GP5: variants seen among roughly 807,000 people sequenced by gnomAD.
GP5 encodes the protein platelet glycoprotein V.
For missense variants in GP5, 755 were observed against 737.1 expected, an observed-to-expected ratio of 1.02 and a Z score of -0.28; for synonymous variants, 382 against 353.9, an observed-to-expected ratio of 1.08 and a Z score of -0.89.
rs759376535 is a variant in GP5, at chr3:194,397,412, C to A, written c.871G>T (p.Gly291Cys). Residue 291 changes from glycine (G) to cysteine (C), a missense_variant, in exon 2 of 2, where the codon GGC (glycine) becomes TGC (cysteine). Physicochemically the swap from Gly to Cys is radical, Grantham distance 159. Coordinates refer to ENST00000692618, the MANE Select transcript of GP5 (RefSeq NM_004488.2). The surrounding 1 kb of genome is among the most constrained non-coding windows in gnomAD (Gnocchi z 7.2). ...CGGTTCAGCCACAGCTCCTGCAGGC[C>A]CCCCATCTCCCCGAAGAGCACCCCC... ...LPGVLFGEMG[G>C]LQELWLNRTQ... The A allele has an allele frequency of 6.2e-7, 1 of 1,612,154 alleles. No homozygotes were observed. The highest frequency in any genetic ancestry group is 8.5e-7 in the Non-Finnish European group (1 of 1,179,628).
Position 194,397,544 on chromosome 3 carries a change from A to G in GP5, c.739T>C (p.Leu247=). ...AFDRLPNLSS[L]TLSRNHLAFL... is the part of the protein sequence containing the mutation. ...GCAAGGTGGTTTCTCGAAAGCGTCA[A>G]AGAACTGAGGTTTGGGAGCCGGTCG... The change falls in exon 2 of 2, where the codon TTG becomes CTG. Residue 247 remains leucine (L), a synonymous_variant. Transcript: ENST00000692618. This position sits in a 1 kb window ranked among gnomAD's most constrained non-coding sequence, Gnocchi z 7.2. 1 of 1,614,110 alleles carries G rather than the reference A, an allele frequency of 6.2e-7. No homozygotes were observed. The highest frequency in any genetic ancestry group is 8.5e-7 in the Non-Finnish European group (1 of 1,180,008).
Position 194,397,642 on chromosome 3 carries a change from A to C in GP5, c.641T>G (p.Leu214Trp). Residue 214 changes from leucine (L) to tryptophan (W), a missense_variant, in exon 2 of 2, where the codon TTG (leucine) becomes TGG (tryptophan). Coordinates refer to ENST00000692618, the MANE Select transcript of GP5 (RefSeq NM_004488.2). The surrounding 1 kb of genome is among the most constrained non-coding windows in gnomAD (Gnocchi z 7.2). The stretch of plus-strand genomic sequence containing the variant: ...CTCCGTCAGGGCGCCCAGGCTGTTC[A>C]ACAGCCCCGAATCCAGAGACACAAG... ...NRLVSLDSGL[L>W]NSLGALTELQ... The C allele has an allele frequency of 6.2e-7, 1 of 1,614,170 alleles. No homozygotes were observed. Among genetic ancestry groups the C allele is most frequent in the Non-Finnish European group, 8.5e-7 (1 of 1,180,006 alleles).
Position 194,396,765 on chromosome 3 carries a change from C to A in GP5, c.1518G>T (p.Trp506Cys). Residue 506 changes from tryptophan to cysteine, a missense_variant, in exon 2 of 2, where the codon TGG becomes TGT. Transcript: ENST00000692618. The part of the protein sequence containing the change: ...LAPNSSEPWV[W>C]AQPVTTGKGQ... Reference sequence around the variant, plus strand: ...CTTTGCCCGTGGTCACCGGCTGGGCCCACACCCAGGGTTCTGAGCTGTTGG... The same window carrying A: ...CTTTGCCCGTGGTCACCGGCTGGGCACACACCCAGGGTTCTGAGCTGTTGG... The A allele has an allele frequency of 1.2e-6, 2 of 1,614,050 alleles. No homozygotes were observed. Among genetic ancestry groups the A allele is most frequent in the Non-Finnish European group, 1.7e-6 (2 of 1,179,932 alleles).
rs758840525 is a variant in GP5 at position 194,397,371 on chromosome 3, G to T, written c.912C>A (p.Thr304=). The change falls in exon 2 of 2, where the codon ACC becomes ACA. Residue 304 remains threonine (T), a synonymous_variant. Coordinates refer to ENST00000692618, the MANE Select transcript of GP5 (RefSeq NM_004488.2). The surrounding 1 kb of genome is among the most constrained non-coding windows in gnomAD (Gnocchi z 7.2). ...ELWLNRTQLR[T]LPAAAFRNLS... Reference sequence around the variant, plus strand: ...GGTTGCGGAAGGCGGCGGCGGGCAGGGTGCGCAGCTGGGTGCGGTTCAGCC... The same window carrying T: ...GGTTGCGGAAGGCGGCGGCGGGCAGTGTGCGCAGCTGGGTGCGGTTCAGCC... 2 of 1,608,304 alleles carry T rather than the reference G, an allele frequency of 1.2e-6. No individual in the cohort carries two copies. The highest frequency in any genetic ancestry group is 1.7e-6 in the Non-Finnish European group (2 of 1,178,824).
Position 194,397,635 on chromosome 3 carries a change from G to A in GP5, c.648C>T (p.Ser216=). 1 of 1,614,126 alleles carries A rather than the reference G, an allele frequency of 6.2e-7. No individual in the cohort carries two copies. The highest frequency in any genetic ancestry group is 1.1e-5 in the South Asian group (1 of 91,080). The change falls in exon 2 of 2, where the codon AGC becomes AGT. Residue 216 remains serine, a synonymous_variant. Coordinates refer to ENST00000692618, the MANE Select transcript of GP5 (RefSeq NM_004488.2). This position sits in a 1 kb window ranked among gnomAD's most constrained non-coding sequence, Gnocchi z 7.2. ...ACTGCAGCTCCGTCAGGGCGCCCAG[G>A]CTGTTCAACAGCCCCGAATCCAGAG... The part of the protein sequence containing the change: ...LVSLDSGLLN[S]LGALTELQFH...
chr3:194,398,317 C>A, intron 1 of GP5, 33 bp from the exon 2 acceptor site: 1 of 1,538,990 alleles, frequency 6.5e-7, no homozygotes. Flanking sequence ...GTGGTCAACA[C>A]ACAGGAGCGT....
In GP5 at chr3:194,397,388, G is replaced by C. The variant is rs1577011471; in HGVS notation, c.895C>G (p.Arg299Gly). Residue 299 changes from arginine (R) to glycine (G), a missense_variant, in exon 2 of 2, where the codon CGC becomes GGC. Coordinates refer to ENST00000692618, the MANE Select transcript of GP5 (RefSeq NM_004488.2). This position sits in a 1 kb window ranked among gnomAD's most constrained non-coding sequence, Gnocchi z 7.2. ...GCGGGCAGGGTGCGCAGCTGGGTGC[G>C]GTTCAGCCACAGCTCCTGCAGGCCC... Reference protein sequence around the residue: ...MGGLQELWLNRTQLRTLPAAA... With the variant: ...MGGLQELWLNGTQLRTLPAAA... 1.9e-6 allele frequency: 3 copies of C among 1,611,462 alleles called. No homozygotes were observed. The highest frequency in any genetic ancestry group is 2.5e-6 in the Non-Finnish European group (3 of 1,179,746).
At position 194,397,111 on chromosome 3, in the gene GP5, C is replaced by A; in HGVS notation, c.1172G>T (p.Ser391Ile). 6.3e-7 allele frequency: 1 copy of A among 1,591,764 alleles called. No individual in the cohort carries two copies. Among genetic ancestry groups the A allele is most frequent in the Non-Finnish European group, 8.5e-7 (1 of 1,176,902 alleles). ...CAGCTGGTTGTGGTCGAGCTGGACG[C>A]TCTCCAGGCTGCTGAGATTGCGGAA... ...ALFRNLSSLE[S>I]VQLDHNQLET... The change falls in exon 2 of 2, where the codon AGC becomes ATC. Residue 391 changes from serine (S) to isoleucine (I), a missense_variant. Ser to Ile is a moderately radical substitution (Grantham distance 142). Coordinates refer to ENST00000692618, the MANE Select transcript of GP5 (RefSeq NM_004488.2). The surrounding 1 kb of genome is among the most constrained non-coding windows in gnomAD (Gnocchi z 7.2).
Position 194,396,879 on chromosome 3 carries a change from A to G in GP5, c.1404T>C (p.Gly468=). 1 of 1,530,526 alleles carries G rather than the reference A, an allele frequency of 6.5e-7. No individual in the cohort carries two copies. The highest frequency in any genetic ancestry group is 1.3e-5 in the South Asian group (1 of 77,982). 94.8% of individuals were successfully genotyped at this position (1,530,526 alleles called of 1,614,324 possible). A position where few individuals can be genotyped will look rare whatever the true frequency, so the allele number is the denominator to read the frequency against. The change falls in exon 2 of 2, where the codon GGT becomes GGC. Residue 468 remains glycine (G), a synonymous_variant. Transcript: ENST00000692618. ...AGLPLWALPG[G]DAECPGPRGP... ...CCCGGGGGCCCGGGCACTCCGCGTC[A>G]CCCCCCGGCAGGGCCCAGAGCGGCA...
rs1714420621 is a variant in GP5 at position 194,395,103 on chromosome 3, A to C, written c.*1497T>G. 1 of 152,194 alleles carries C rather than the reference A, an allele frequency of 6.6e-6. No homozygotes were observed. The highest frequency in any genetic ancestry group is 2.4e-5 in the African/African-American group (1 of 41,434). The allele number at this position is 152,194 out of a possible 1,614,324, so 9.4% of individuals were successfully genotyped here. ...GCTTTATTGCCTTTAATTCTCACAA[A>C]AACTCTACGAAGCAGGTACTATGTT... On this transcript the variant is annotated 3_prime_UTR_variant, in exon 2 of 2. Coordinates refer to ENST00000692618, the MANE Select transcript of GP5 (RefSeq NM_004488.2).
chr3:194,396,358 T>C lies in GP5; in HGVS notation c.*242A>G. 2.3e-6 allele frequency: 1 copy of C among 440,332 alleles called. No homozygotes were observed. Among genetic ancestry groups the C allele is most frequent in the Non-Finnish European group, 4.1e-6 (1 of 246,820 alleles). The allele number at this position is 440,332 out of a possible 1,614,324, so 27.3% of individuals were successfully genotyped here. On this transcript the variant is annotated 3_prime_UTR_variant, in exon 2 of 2. Coordinates refer to ENST00000692618, the MANE Select transcript of GP5 (RefSeq NM_004488.2). Reference sequence around the variant, plus strand: ...GGCAGGCAACCACAGTTTACAAACGTCAAGCTCAGTTTCCAGGAACGGGCG... The same window carrying C: ...GGCAGGCAACCACAGTTTACAAACGCCAAGCTCAGTTTCCAGGAACGGGCG...
At position 194,396,758 on chromosome 3, in the gene GP5, GC is replaced by G; in HGVS notation, c.1524del (p.Gln508HisfsTer3). The G allele has an allele frequency of 6.2e-7, 1 of 1,613,982 alleles. No homozygotes were observed. The highest frequency in any genetic ancestry group is 8.5e-7 in the Non-Finnish European group (1 of 1,179,860). On this transcript the variant is annotated frameshift_variant, in exon 2 of 2. Coordinates refer to ENST00000692618, the MANE Select transcript of GP5 (RefSeq NM_004488.2). LOFTEE classifies it low-confidence loss of function (END_TRUNC). Reference sequence around the variant, plus strand: ...TCTTGACCTTTGCCCGTGGTCACCGGCTGGGCCCACACCCAGGGTTCTGAGC... The same window carrying G: ...TCTTGACCTTTGCCCGTGGTCACCGGTGGGCCCACACCCAGGGTTCTGAGC... The part of the protein sequence containing the change: ...PNSSEPWVWA[Q>X]PVTTGKGQDH...
Position 194,396,665 on chromosome 3 carries a change from C to T in GP5, c.1618G>A (p.Val540Met). Residue 540 changes from valine to methionine, a missense_variant, in exon 2 of 2, where the codon GTG becomes ATG. Transcript: ENST00000692618. ...TGGCCAATTTTAATCATAGCAAACA[C>T]GATGATCACGGTGATCATGGCCTGA... ...AVQAMITVII[V>M]FAMIKIGQLF... 1 of 1,613,270 alleles carries T rather than the reference C, an allele frequency of 6.2e-7. No individual in the cohort carries two copies. Among genetic ancestry groups the T allele is most frequent in the Non-Finnish European group, 8.5e-7 (1 of 1,179,248 alleles).
chr3:194,395,968 G>A lies in GP5; in HGVS notation c.*632C>T, dbSNP rs1467788401. 2.0e-5 allele frequency: 3 copies of A among 152,518 alleles called. No individual in the cohort carries two copies. The highest frequency in any genetic ancestry group is 4.4e-5 in the Non-Finnish European group (3 of 68,296). 9.4% of individuals were successfully genotyped at this position (152,518 alleles called of 1,614,324 possible). A position where few individuals can be genotyped will look rare whatever the true frequency, so the allele number is the denominator to read the frequency against. On this transcript the variant is annotated 3_prime_UTR_variant, in exon 2 of 2. Transcript: ENST00000692618. ...GAGGCATGAGAATCACTTGAACCTG[G>A]GAGGCGGAGGCTGCAGTGAACTGAG... is the stretch of plus-strand genomic sequence containing the variant.
At position 194,397,610 on chromosome 3, in the gene GP5, A is replaced by G; in HGVS notation, c.673T>C (p.Phe225Leu). Residue 225 changes from phenylalanine to leucine, a missense_variant, in exon 2 of 2, where the codon TTC (phenylalanine) becomes CTC (leucine). Transcript: ENST00000692618. The surrounding 1 kb of genome is among the most constrained non-coding windows in gnomAD (Gnocchi z 7.2). ...NSLGALTELQ[F>L]HRNHIRSIAP... The stretch of plus-strand genomic sequence containing the variant: ...ATGGAACGGATGTGATTTCGGTGGA[A>G]CTGCAGCTCCGTCAGGGCGCCCAGG... The G allele has an allele frequency of 6.2e-7, 1 of 1,614,074 alleles. No individual in the cohort carries two copies. Among genetic ancestry groups the G allele is most frequent in the Non-Finnish European group, 8.5e-7 (1 of 1,179,992 alleles).
chr3:194,395,100 C>G lies in GP5; in HGVS notation c.*1500G>C, dbSNP rs1714420531. 6.6e-6 allele frequency: 1 copy of G among 152,188 alleles called. No homozygotes were observed. The allele number at this position is 152,188 out of a possible 1,614,324, so 9.4% of individuals were successfully genotyped here. On this transcript the variant is annotated 3_prime_UTR_variant, in exon 2 of 2. Coordinates refer to ENST00000692618, the MANE Select transcript of GP5 (RefSeq NM_004488.2). ...TATGCTTTATTGCCTTTAATTCTCACAAAAACTCTACGAAGCAGGTACTAT... is the reference window on the plus strand; with the variant it reads ...TATGCTTTATTGCCTTTAATTCTCAGAAAAACTCTACGAAGCAGGTACTAT...
Position 194,398,156 on chromosome 3 carries a change from T to TG in GP5, c.126dup (p.Ile43HisfsTer54), listed in dbSNP as rs1560057700. 3.1e-6 allele frequency: 5 copies of TG among 1,612,810 alleles called. No individual in the cohort carries two copies. Among genetic ancestry groups the TG allele is most frequent in the Non-Finnish European group, 3.4e-6 (4 of 1,179,820 alleles). Reference sequence around the variant, plus strand: ...TTGGTGGGCAGGCCTAGCGCGGAGATGCGCGCCACGTCGCCCCCCGAGCAC... The same window carrying TG: ...TTGGTGGGCAGGCCTAGCGCGGAGATGGCGCGCCACGTCGCCCCCCGAGCAC... On this transcript the variant is annotated frameshift_variant, in exon 2 of 2. Coordinates refer to ENST00000692618, the MANE Select transcript of GP5 (RefSeq NM_004488.2). LOFTEE classifies it low-confidence loss of function (END_TRUNC).
Position 194,397,007 on chromosome 3 carries a change from C to T in GP5, c.1276G>A (p.Asp426Asn), listed in dbSNP as rs778829280. 1 of 1,596,060 alleles carries T rather than the reference C, an allele frequency of 6.3e-7. No homozygotes were observed. Among genetic ancestry groups the T allele is most frequent in the Non-Finnish European group, 8.5e-7 (1 of 1,177,868 alleles). Residue 426 changes from aspartate (D) to asparagine (N), a missense_variant, in exon 2 of 2, where the codon GAC (aspartate) becomes AAC (asparagine). Coordinates refer to ENST00000692618, the MANE Select transcript of GP5 (RefSeq NM_004488.2). The surrounding 1 kb of genome is among the most constrained non-coding windows in gnomAD (Gnocchi z 7.2). ...CCCAGGAAGGGCCCCAGGCCACAGTCGCAGCGCCAGGAGTTGTGCCCCAAC... is the reference window on the plus strand; with the variant it reads ...CCCAGGAAGGGCCCCAGGCCACAGTTGCAGCGCCAGGAGTTGTGCCCCAAC... Reference protein sequence around the residue: ...VLLGHNSWRCDCGLGPFLGWL... With the variant: ...VLLGHNSWRCNCGLGPFLGWL...
In GP5 at chr3:194,396,661, A is replaced by C; in HGVS notation, c.1622T>G (p.Phe541Cys). ...VQAMITVIIVFAMIKIGQLFR... is the reference protein window; with the variant it reads ...VQAMITVIIVCAMIKIGQLFR... ...GAGTTGGCCAATTTTAATCATAGCAAACACGATGATCACGGTGATCATGGC... is the reference window on the plus strand; with the variant it reads ...GAGTTGGCCAATTTTAATCATAGCACACACGATGATCACGGTGATCATGGC... Residue 541 changes from phenylalanine to cysteine, a missense_variant, in exon 2 of 2, where the codon TTT becomes TGT. Phe to Cys is a radical substitution (Grantham distance 205, BLOSUM62 -2). Transcript: ENST00000692618. The C allele has an allele frequency of 6.2e-7, 1 of 1,612,948 alleles. No homozygotes were observed. The highest frequency in any genetic ancestry group is 8.5e-7 in the Non-Finnish European group (1 of 1,178,954).
Sources: gnomAD v4.1 joint callset for allele counts on GRCh38, gnomAD v4.1.1 for gene constraint, Gnocchi (gnomAD v3.1) non-coding constraint, MANE v1.5 for transcripts, NCBI Gene and HGNC (gene_info 2026-07-23, HGNC 2026-07-21) for gene names.